TMEM178B: variants seen among roughly 807,000 people sequenced by gnomAD.
The protein encoded by TMEM178B is transmembrane protein 178B.
A neutral mutation model predicts 31.0 loss-of-function variants in TMEM178B; 5 were observed. The ratio of observed to expected loss-of-function variants is 0.16; its 90% CI spans 0.08 to 0.34. TMEM178B has a LOEUF of 0.34. Ranked by LOEUF, TMEM178B falls within the 10% of genes least tolerant of loss-of-function variation. The pLI is 1.00. For synonymous variants in TMEM178B, 164 were observed against 164.0 expected (o/e 1.00, Z 0.00); for missense variants, 275 against 400.3 (o/e 0.69, Z 2.67).
chr7:141,278,799 G>A (rs1219232600), intron 2 of TMEM178B, among the ~76,000 whole-genome samples: 1 of 152,056 alleles, frequency 6.6e-6, no homozygotes, highest in Non-Finnish European at 1.5e-5. Flanking sequence ...TAGTTAGCCT[G>A]GAAAAGAGAG....
intron 2 of TMEM178B, among the ~76,000 whole-genome samples, chr7:141,274,247 C>G (rs1176870776): frequency 1.3e-5 from 2 of 152,164 alleles, no homozygotes; most frequent in Non-Finnish European, 2.9e-5. Context: ...TAAATTCAAC[C>G]AGGCCAAAAT....
At chr7:141,328,230 C>T (rs986208153) in intron 2 of TMEM178B, among the ~76,000 whole-genome samples, 18 of 152,154 alleles carry the variant, frequency 1.2e-4, no homozygotes, top group African/African-American at 2.9e-4. Flanking sequence ...ACTGGAATGA[C>T]GGAGAGGAAT....
At chr7:141,457,683 G>C (rs945589897) in intron 3 of TMEM178B, among the ~76,000 whole-genome samples, 9 of 152,228 alleles carry the variant, frequency 5.9e-5, no homozygotes, top group Admixed American at 1.3e-4. Flanking sequence ...TTCCAGAGAA[G>C]CCAGGGTCAG....
At chr7:141,187,337 A>G (rs901790665) in intron 1 of TMEM178B, among the ~76,000 whole-genome samples, 2 of 151,854 alleles carry the variant, frequency 1.3e-5, no homozygotes, top group African/African-American at 2.4e-5. Flanking sequence ...AATCCAGTCT[A>G]TCGTTATTGG....
Position 141,345,273 on chromosome 7 carries a change from AACTTAC to A in TMEM178B, c.497-92333_497-92328del, listed in dbSNP as rs926112126. Among the ~76,000 whole-genome samples, 10 of 152,328 alleles carry A rather than the reference AACTTAC, an allele frequency of 6.6e-5. No individual in the cohort carries two copies. The East Asian group carries it at 1.9e-3, about 29-fold the overall frequency. ...AACAGGTTAATTGTCAAAACCCCAA[AACTTAC>A]AAATAAAGTTAGAGAGGGAGTTAAT... is the stretch of plus-strand genomic sequence containing the variant. On this transcript the variant is annotated intron_variant, in intron 2 of 3. Coordinates refer to ENST00000565468, the MANE Select transcript of TMEM178B (RefSeq NM_001195278.2).
At chr7:141,110,330 C>T (rs577780540) in intron 1 of TMEM178B, among the ~76,000 whole-genome samples, 10 of 152,216 alleles carry the variant, frequency 6.6e-5, no homozygotes, top group Admixed American at 3.9e-4. Flanking sequence ...AAATAAGTAG[C>T]GGAAGTCCAA....
chr7:141,505,545 C>T, the TMEM178B span, among the ~76,000 whole-genome samples: 1 of 152,224 alleles, frequency 6.6e-6, no homozygotes, highest in Non-Finnish European at 1.5e-5. Flanking sequence ...AGATTTGTCT[C>T]ATCCTGTTAG....
chr7:141,427,380 G>T (rs1801338113), intron 2 of TMEM178B, among the ~76,000 whole-genome samples: 1 of 152,150 alleles, frequency 6.6e-6, no homozygotes, highest in Admixed American at 6.5e-5. Context: ...GAACAGAATA[G>T]AGAGCCCAGA....
rs964832416 is a variant in TMEM178B, at chr7:141,318,959, C to T, written c.496+106255C>T. On this transcript the variant is annotated intron_variant, in intron 2 of 3. Transcript: ENST00000565468. The surrounding 1 kb of genome is among the most constrained non-coding windows in gnomAD (Gnocchi z 4.1). ...CCAAAAAAAAATGAACAATTTTTAC[C>T]AAGTTTCAAGTGATTGAAAAAAATA... is the stretch of plus-strand genomic sequence containing the variant. Among the ~76,000 whole-genome samples the T allele has an allele frequency of 6.6e-6, 1 of 151,800 alleles. No homozygotes were observed. Among genetic ancestry groups the T allele is most frequent in the African/African-American group, 2.4e-5 (1 of 41,284 alleles).
intron 2 of TMEM178B, among the ~76,000 whole-genome samples, chr7:141,371,122 C>T (rs1800107282): frequency 6.6e-6 from 1 of 152,236 alleles, no homozygotes; most frequent in South Asian, 2.1e-4. Context: ...CTGTGTACTA[C>T]AGGTTGGATC....
intron 1 of TMEM178B, among the ~76,000 whole-genome samples, chr7:141,078,185 A>G (rs1794627647): frequency 1.3e-5 from 2 of 152,158 alleles, no homozygotes; most frequent in South Asian, 4.1e-4. Context: ...TCAGTTTCTG[A>G]AATCCAAGAG....
At chr7:141,510,521 A>T in the TMEM178B span, among the ~76,000 whole-genome samples, 5 of 151,624 alleles carry the variant, frequency 3.3e-5, no homozygotes, top group Non-Finnish European at 5.9e-5. Flanking sequence ...CCCCATCTCT[A>T]TTAAAAATAC....
At chr7:141,080,072 C>T (rs1305301074) in intron 1 of TMEM178B, among the ~76,000 whole-genome samples, 1 of 152,188 alleles carries the variant, frequency 6.6e-6, no homozygotes. Flanking sequence ...CTTGGAATCT[C>T]AATTCTAAAT....
intron 1 of TMEM178B, among the ~76,000 whole-genome samples, chr7:141,158,164 C>A (rs574630332): frequency 6.6e-6 from 1 of 152,144 alleles, no homozygotes; most frequent in Admixed American, 6.5e-5. Context: ...GGCGCAATCT[C>A]GGCTCACTGC....
chr7:141,427,855 AAAAC>A (rs1313550909), intron 2 of TMEM178B, among the ~76,000 whole-genome samples: 8 of 152,372 alleles, frequency 5.3e-5, no homozygotes, highest in East Asian at 1.9e-4. Context: ...ACCCAATAAT[AAAAC>A]AAACAAATAA....
chr7:141,243,260 G>A (rs562204322), intron 2 of TMEM178B, among the ~76,000 whole-genome samples: 5 of 152,188 alleles, frequency 3.3e-5, no homozygotes, highest in Admixed American at 3.3e-4. Flanking sequence ...TTTGCAGAGA[G>A]GGCCTCTGGG....
intron 2 of TMEM178B, among the ~76,000 whole-genome samples, chr7:141,427,303 A>C (rs1801335551): frequency 6.6e-6 from 1 of 152,192 alleles, no homozygotes; most frequent in Non-Finnish European, 1.5e-5. Context: ...TACTTCCTGA[A>C]TTCAAAATAT....
chr7:141,206,669 G>A (rs1224710753), intron 1 of TMEM178B, among the ~76,000 whole-genome samples: 1 of 152,262 alleles, frequency 6.6e-6, no homozygotes, highest in East Asian at 1.9e-4. Flanking sequence ...GCCCCTCCAG[G>A]CCTTGGGGTC....
At chr7:141,370,163 G>A (rs1422408703) in intron 2 of TMEM178B, among the ~76,000 whole-genome samples, 3 of 152,106 alleles carry the variant, frequency 2.0e-5, no homozygotes, top group Admixed American at 1.3e-4. Flanking sequence ...AGCAGGGGTG[G>A]CAGCAGAGAG....
Sources: gnomAD v4.1 joint callset for allele counts (sites outside exome capture counted in the v4.1 genomes callset) on GRCh38, gnomAD v4.1.1 for gene constraint, Gnocchi (gnomAD v3.1) non-coding constraint, MANE v1.5 for transcripts, NCBI Gene and HGNC (gene_info 2026-07-23, HGNC 2026-07-21) for gene names.